Variants in CAMK1D observed in about 807,000 individuals in gnomAD.
CAMK1D encodes the protein calcium/calmodulin-dependent protein kinase type 1D.
In CAMK1D, 9 loss-of-function variants were observed where a neutral mutation model predicts 47.7. The ratio of observed to expected loss-of-function variants is 0.19; its 90% CI spans 0.11 to 0.33. CAMK1D has a LOEUF of 0.33. CAMK1D is among the 10% of genes least tolerant of loss of function. The pLI is 1.00. For synonymous variants in CAMK1D, 184 were observed against 184.9 expected (o/e 0.99, Z 0.04); for missense variants, 291 against 488.7 (o/e 0.60, Z 3.81).
At chr10:12,559,035 G>A (rs990725912) in intron 2 of CAMK1D, among the ~76,000 whole-genome samples, 6 of 151,954 alleles carry the variant, frequency 3.9e-5, no homozygotes, top group African/African-American at 1.5e-4. Flanking sequence ...CGGGCACGGT[G>A]AGTGGCTTAT....
At chr10:12,393,141 C>T (rs1406016937) in intron 1 of CAMK1D, among the ~76,000 whole-genome samples, 1 of 151,916 alleles carries the variant, frequency 6.6e-6, no homozygotes, top group African/African-American at 2.4e-5. Context: ...ACGCCATTCT[C>T]CTGCCTCAGC....
At chr10:12,747,791 A>G (rs967697417) in intron 3 of CAMK1D, among the ~76,000 whole-genome samples, 3 of 152,138 alleles carry the variant, frequency 2.0e-5, no homozygotes, top group African/African-American at 7.2e-5. Context: ...TATCAGTTCA[A>G]AGTCCAAAGG....
At chr10:12,752,592 T>A (rs755024849) in intron 3 of CAMK1D, among the ~76,000 whole-genome samples, 10 of 151,848 alleles carry the variant, frequency 6.6e-5, no homozygotes, top group Non-Finnish European at 1.0e-4. Flanking sequence ...TTCGTCCAAA[T>A]AAAAAAAATA....
intron 1 of CAMK1D, among the ~76,000 whole-genome samples, chr10:12,524,450 G>A (rs1835551815): frequency 6.6e-6 from 1 of 152,034 alleles, no homozygotes; most frequent in African/African-American, 2.4e-5. Flanking sequence ...GCGCACGCCT[G>A]TAATCCCAGT....
At chr10:12,522,128 C>T (rs530218844) in intron 1 of CAMK1D, among the ~76,000 whole-genome samples, 3 of 149,050 alleles carry the variant, frequency 2.0e-5, no homozygotes, top group Admixed American at 2.0e-4. Context: ...GCGTTGATCT[C>T]TTCTGGTTTT....
intron 2 of CAMK1D, among the ~76,000 whole-genome samples, chr10:12,606,662 G>A (rs139480909): frequency 7.9e-5 from 12 of 152,244 alleles, no homozygotes; most frequent in South Asian, 2.1e-4. Context: ...GCTCTCATGC[G>A]TTGATCCCTG....
intron 3 of CAMK1D, among the ~76,000 whole-genome samples, chr10:12,692,610 G>T (rs1201878949): frequency 6.6e-6 from 1 of 151,972 alleles, no homozygotes; most frequent in Non-Finnish European, 1.5e-5. Flanking sequence ...ACAAATAAAA[G>T]AAAAAACTTC....
At chr10:12,515,591 CCA>C (rs1268517691) in intron 1 of CAMK1D, among the ~76,000 whole-genome samples, 1 of 84,906 alleles carries the variant, frequency 1.2e-5, no homozygotes, top group African/African-American at 4.6e-5. Flanking sequence ...ACCACAGTCC[CCA>C]GAGTGTGATA....
intron 1 of CAMK1D, among the ~76,000 whole-genome samples, chr10:12,475,164 C>T (rs1833865598): frequency 6.6e-6 from 1 of 152,074 alleles, no homozygotes; most frequent in Non-Finnish European, 1.5e-5. Context: ...TTATAATGTG[C>T]AGTTCGGTGG....
chr10:12,626,270 A>C (rs1839210465), intron 2 of CAMK1D, among the ~76,000 whole-genome samples: 1 of 152,026 alleles, frequency 6.6e-6, no homozygotes, highest in Non-Finnish European at 1.5e-5. Flanking sequence ...CATTCTTGTG[A>C]GTCTTTTGCA....
At chr10:12,446,434 G>A (rs1011606577) in intron 1 of CAMK1D, among the ~76,000 whole-genome samples, 1 of 152,156 alleles carries the variant, frequency 6.6e-6, no homozygotes, top group African/African-American at 2.4e-5. Context: ...GGTCACTCTC[G>A]TCGCCATCTT....
intron 1 of CAMK1D, among the ~76,000 whole-genome samples, chr10:12,454,336 G>A (rs570908112): frequency 2.6e-5 from 4 of 151,090 alleles, no homozygotes; most frequent in African/African-American, 9.8e-5. Flanking sequence ...CTAATTTTTT[G>A]TACTTTTAGT....
rs181496123 is a variant in CAMK1D at position 12,595,640 on chromosome 10, G to A, written c.224+42284G>A. ...GCCATGCGTCTTCTGTCCATAGCCC[G>A]TTCTGTCCCCTACCCCTTGACCATG... On this transcript the variant is annotated intron_variant, in intron 2 of 10. Transcript: ENST00000619168. Among the ~76,000 whole-genome samples the A allele has an allele frequency of 1.1e-3, 166 of 152,164 alleles. 1 individual carries two copies. The South Asian group carries it at 0.031, about 29-fold the overall frequency.
At chr10:12,563,693 GAGAGAGGGAGAGA>G (rs1837024244) in intron 2 of CAMK1D, among the ~76,000 whole-genome samples, 2 of 63,906 alleles carry the variant, frequency 3.1e-5, no homozygotes, top group East Asian at 4.2e-4. Flanking sequence ...GAGAGAGAGA[GAGAGAGGGAGAGA>G]GAGGGAGAGA....
At chr10:12,537,542 T>C (rs998508594) in intron 1 of CAMK1D, among the ~76,000 whole-genome samples, 2 of 152,216 alleles carry the variant, frequency 1.3e-5, no homozygotes, top group Non-Finnish European at 2.9e-5. Context: ...TTGTTTAGCA[T>C]TTTTGCGACT....
chr10:12,723,674 C>CATAATAATT (rs1834491764), intron 3 of CAMK1D, among the ~76,000 whole-genome samples: 2 of 152,030 alleles, frequency 1.3e-5, no homozygotes, highest in Non-Finnish European at 2.9e-5. Flanking sequence ...TATTAAAATA[C>CATAATAATT]ATCATAAATA....
intron 1 of CAMK1D, among the ~76,000 whole-genome samples, chr10:12,395,962 C>A (rs992350599): frequency 2.6e-5 from 4 of 151,800 alleles, no homozygotes; most frequent in Non-Finnish European, 5.9e-5. Context: ...TAACCTCTGC[C>A]TCCTGGGTTC....
intron 10 of CAMK1D, among the ~76,000 whole-genome samples, chr10:12,828,364 G>T (rs1218447299): frequency 7.4e-6 from 1 of 135,232 alleles, no homozygotes; most frequent in Non-Finnish European, 1.6e-5. Context: ...CCGCAAGTTG[G>T]GCGCGGTGGC....
chr10:12,452,533 G>T (rs1833115069), intron 1 of CAMK1D, among the ~76,000 whole-genome samples: 1 of 151,232 alleles, frequency 6.6e-6, no homozygotes, highest in Non-Finnish European at 1.5e-5. Flanking sequence ...TATGCATTAT[G>T]GTCCATATAT....
Sources: allele counts gnomAD v4.1 joint callset (sites outside exome capture counted in the v4.1 genomes callset), GRCh38; gene constraint gnomAD v4.1.1; transcripts MANE v1.5; gene names NCBI Gene and HGNC (gene_info 2026-07-23, HGNC 2026-07-21).